The following PC variants were observed in gnomAD, a reference collection of about 807,000 sequenced individuals.
The protein encoded by PC is pyruvate carboxylase, mitochondrial.
In PC, 46 loss-of-function variants were observed where a neutral mutation model predicts 107.8. The observed-to-expected ratio is 0.43, with a 90% CI of 0.34 to 0.55. The LOEUF (loss-of-function observed/expected upper bound fraction) is 0.55. PC is among the 20% of genes least tolerant of loss of function. The probability of loss-of-function intolerance (pLI) is 0.04; values close to 1 mark genes in which losing one functional copy is unlikely to be tolerated. For missense variants in PC, 1,241 were observed against 1,643.1 expected (o/e 0.76, Z 4.23); for synonymous variants, 662 against 684.7 (o/e 0.97, Z 0.52).
Position 66,871,744 on chromosome 11 carries a change from G to T in PC, c.264C>A (p.Arg88=). ...QKADEAYLIG[R]GLAPVQAYLH... ...GGTAGGCCTGCACGGGGGCCAGGCC[G>T]CGGCCGATGAGATAGGCTTCATCTG... is the stretch of plus-strand genomic sequence containing the variant. The change falls in exon 5 of 23, where the codon CGC becomes CGA. Residue 88 remains arginine (R), a synonymous_variant. Transcript: ENST00000393960. The surrounding 1 kb of genome is among the most constrained non-coding windows in gnomAD (Gnocchi z 7.4). 1 of 1,584,540 alleles carries T rather than the reference G, an allele frequency of 6.3e-7. No homozygotes were observed. Among genetic ancestry groups the T allele is most frequent in the South Asian group, 1.1e-5 (1 of 87,424 alleles).
At chr11:66,859,421 C>A (rs1023514342) in intron 12 of PC, among the ~76,000 whole-genome samples, 3 of 152,156 alleles carry the variant, frequency 2.0e-5, no homozygotes, top group Non-Finnish European at 1.5e-5. Context: ...CTGGTGCCAT[C>A]CCCCCACCCC....
intron 3 of PC, among the ~76,000 whole-genome samples, chr11:66,922,627 C>T (rs1948622306): frequency 6.7e-6 from 1 of 148,868 alleles, no homozygotes; most frequent in Admixed American, 6.7e-5. Context: ...AACTCCAGCA[C>T]TTCCAGAGGT....
At chr11:66,930,120 C>G (rs1948811001) in intron 3 of PC, among the ~76,000 whole-genome samples, 1 of 151,880 alleles carries the variant, frequency 6.6e-6, no homozygotes, top group African/African-American at 2.4e-5. Context: ...TGTACCCTTC[C>G]CTGTCCCCAA....
chr11:66,897,059 G>A (rs1049669391), intron 3 of PC, among the ~76,000 whole-genome samples: 1 of 152,066 alleles, frequency 6.6e-6, no homozygotes, highest in Admixed American at 6.5e-5. Flanking sequence ...AGCCTCCAGA[G>A]TAGCTGGGAT....
intron 3 of PC, among the ~76,000 whole-genome samples, chr11:66,918,772 C>T (rs182158066): frequency 7.8e-4 from 119 of 152,232 alleles, no homozygotes; most frequent in Admixed American, 1.3e-3. Flanking sequence ...TTCCTCACCC[C>T]CTAAGCCACG....
intron 10 of PC, among the ~76,000 whole-genome samples, chr11:66,867,613 C>T (rs1946548433): frequency 6.6e-6 from 1 of 152,178 alleles, no homozygotes; most frequent in African/African-American, 2.4e-5. Flanking sequence ...AGGAGGAGCT[C>T]GAGGGTCAGA....
At chr11:66,892,845 A>C (rs1238719579) in intron 3 of PC, among the ~76,000 whole-genome samples, 1 of 149,512 alleles carries the variant, frequency 6.7e-6, no homozygotes, top group Non-Finnish European at 1.5e-5. Context: ...ACAGAGCAAG[A>C]CTCCATCTCA....
At chr11:66,916,018 A>G (rs2136080866) in intron 3 of PC, among the ~76,000 whole-genome samples, 2 of 152,118 alleles carry the variant, frequency 1.3e-5, no homozygotes, top group African/African-American at 4.8e-5. Flanking sequence ...TACCCTCCAA[A>G]ACAAACACAC....
rs1946489569 is a variant in PC, at chr11:66,866,275, T to C, written c.1097A>G (p.Asn366Ser). Residue 366 changes from asparagine to serine, a missense_variant, in exon 11 of 23, where the codon AAC (asparagine) becomes AGC (serine). Physicochemically the swap from Asn to Ser is conservative, Grantham distance 46. This residue lies in a region of PC where 1,143 missense variants were observed against 1,551.9 expected (regional missense o/e 0.74). Coordinates refer to ENST00000393960, the MANE Select transcript of PC (RefSeq NM_001040716.2). The surrounding 1 kb of genome is among the most constrained non-coding windows in gnomAD (Gnocchi z 5.4). ...SLPDLGLRQE[N>S]IRINGCAIQC... Reference sequence around the variant, plus strand: ...GATGGCACACCCGTTGATGCGGATGTTCTCCTGCCGCAGGCCCAGGTCGGG... The same window carrying C: ...GATGGCACACCCGTTGATGCGGATGCTCTCCTGCCGCAGGCCCAGGTCGGG... 6.2e-7 allele frequency: 1 copy of C among 1,612,904 alleles called. No individual in the cohort carries two copies.
At position 66,932,541 on chromosome 11, in the gene PC, C is replaced by T. The variant is rs771921742; in HGVS notation, c.-1+19889G>A. Among the ~76,000 whole-genome samples the T allele has an allele frequency of 4.5e-4, 68 of 152,264 alleles. No homozygotes were observed. In the Middle Eastern group the frequency reaches 0.024, roughly 53 times the overall value. ...GCTAGCTGATGTGGGACAAAAATCTCGCAGATGCAGTGGCCGAAATGTCCT... is the reference window on the plus strand; with the variant it reads ...GCTAGCTGATGTGGGACAAAAATCTTGCAGATGCAGTGGCCGAAATGTCCT... On this transcript the variant is annotated intron_variant, in intron 3 of 22. Transcript: ENST00000393960.
rs758227898 is a variant in PC, at chr11:66,851,852, C to G, written c.1920G>C (p.Gln640His). Residue 640 changes from glutamine (Q) to histidine (H), a missense_variant, in exon 16 of 23, where the codon CAG becomes CAC. Physicochemically the swap from Gln to His is conservative, Grantham distance 24 (BLOSUM62 0). Coordinates refer to ENST00000393960, the MANE Select transcript of PC (RefSeq NM_001040716.2). ...LRELIPNIPFQMLLRGANAVG... is the reference protein window; with the variant it reads ...LRELIPNIPFHMLLRGANAVG... The stretch of plus-strand genomic sequence containing the variant: ...CAGCATTGGCCCCCCGCAGCAGCAT[C>G]TGGAAAGGGATGTTGGGGATGAGCT... 2.5e-6 allele frequency: 4 copies of G among 1,614,146 alleles called. No homozygotes were observed. Among genetic ancestry groups the G allele is most frequent in the Non-Finnish European group, 3.4e-6 (4 of 1,180,026 alleles).
Position 66,904,808 on chromosome 11 carries a change from G to A in PC, c.1-32649C>T, listed in dbSNP as rs539347212. ...GGAAGGGAACGGCATTAAGAGGAAC[G>A]GCATTAAGAGTTAAACCTTGGGTTC... On this transcript the variant is annotated intron_variant, in intron 3 of 22. Transcript: ENST00000393960. 1.5e-4 allele frequency among the ~76,000 whole-genome samples: 23 copies of A among 152,336 alleles called. No individual in the cohort carries two copies. The South Asian group carries it at 4.8e-3, about 32-fold the overall frequency.
intron 3 of PC, among the ~76,000 whole-genome samples, chr11:66,946,809 G>A (rs1022333780): frequency 6.6e-6 from 1 of 152,024 alleles, no homozygotes; most frequent in Non-Finnish European, 1.5e-5. Context: ...ACATGTAACT[G>A]AGTAGTTAGT....
rs774897991 is a variant in PC, at chr11:66,850,413, C to T, written c.2525G>A (p.Arg842Gln). 2.5e-6 allele frequency: 4 copies of T among 1,613,886 alleles called. No individual in the cohort carries two copies. The highest frequency in any genetic ancestry group is 3.3e-5 in the Admixed American group (2 of 60,014). The change falls in exon 19 of 23, where the codon CGG (arginine) becomes CAG (glutamine). Residue 842 changes from arginine (R) to glutamine (Q), a missense_variant. Arg to Gln is a conservative substitution (Grantham distance 43). Around this residue, in one of 2 missense-constraint regions of PC, gnomAD observed 1,143 missense variants for 1,551.9 expected, o/e 0.74. Transcript: ENST00000393960. ...FDYSEYWEGA[R>Q]GLYAAFDCTA... Reference sequence around the variant, plus strand: ...GCAGTCGAAGGCCGCGTACAGTCCCCGAGCCCCCTCCCAGTACTCACTGTA... The same window carrying T: ...GCAGTCGAAGGCCGCGTACAGTCCCTGAGCCCCCTCCCAGTACTCACTGTA...
intron 3 of PC, among the ~76,000 whole-genome samples, chr11:66,932,557 G>A (rs1027657267): frequency 4.6e-5 from 7 of 152,162 alleles, no homozygotes; most frequent in African/African-American, 1.2e-4. Flanking sequence ...TGCAGTGGCC[G>A]AAATGTCCTT....
chr11:66,874,557 A>G (rs1043067570), intron 3 of PC, among the ~76,000 whole-genome samples: 4 of 152,202 alleles, frequency 2.6e-5, no homozygotes, highest in Non-Finnish European at 4.4e-5. Context: ...AGAAAAAGAA[A>G]AGAGAAGAAA....
At chr11:66,933,333 T>C (rs2136115526) in intron 3 of PC, among the ~76,000 whole-genome samples, 1 of 152,268 alleles carries the variant, frequency 6.6e-6, no homozygotes, top group South Asian at 2.1e-4. Context: ...CTTCAGGCCC[T>C]ACCAGCCCTT....
At chr11:66,957,899 A>C (rs1391757549) in intron 1 of PC, 1 of 152,296 alleles carries the variant, frequency 6.6e-6, no homozygotes, top group African/African-American at 2.4e-5. Context: ...GCTGAGCCAC[A>C]TCCAGTACGA....
In PC at chr11:66,850,272, T is replaced by G; in HGVS notation, c.2666A>C (p.Glu889Ala). Residue 889 changes from glutamate (E) to alanine (A), a missense_variant, in exon 19 of 23, where the codon GAG becomes GCG. Coordinates refer to ENST00000393960, the MANE Select transcript of PC (RefSeq NM_001040716.2). ...HSMGLGSKFK[E>A]VKKAYVEANQ... ...GGCCTCCACATAGGCCTTCTTGACC[T>G]CCTTGAACTTGGAGCCAAGCCCCAT... 2 of 1,614,108 alleles carry G rather than the reference T, an allele frequency of 1.2e-6. No individual in the cohort carries two copies. Among genetic ancestry groups the G allele is most frequent in the Non-Finnish European group, 8.5e-7 (1 of 1,180,004 alleles).
Sources: gnomAD v4.1 joint callset for allele counts (sites outside exome capture counted in the v4.1 genomes callset) on GRCh38, gnomAD v4.1.1 for gene constraint, gnomAD v4.1.1 regional missense constraint, Gnocchi (gnomAD v3.1) non-coding constraint, MANE v1.5 for transcripts, NCBI Gene and HGNC (gene_info 2026-07-23, HGNC 2026-07-21) for gene names.